PPARGC1A: variants seen among roughly 807,000 people sequenced by gnomAD.
PPARGC1A encodes PPARG coactivator 1 alpha.
PPARGC1A carries 25 observed loss-of-function variants against 88.7 expected under a neutral mutation model. The ratio of observed to expected loss-of-function variants is 0.28; its 90% CI spans 0.21 to 0.39. PPARGC1A has a LOEUF of 0.39. Ranked by LOEUF, PPARGC1A falls within the 10% of genes least tolerant of loss-of-function variation. The pLI is 1.00. For missense variants in PPARGC1A, 880 were observed against 968.7 expected, an observed-to-expected ratio of 0.91 and a Z score of 1.22; for synonymous variants, 363 against 355.6, an observed-to-expected ratio of 1.02 and a Z score of -0.24.
chr4:24,136,191 G>C, the PPARGC1A span, among the ~76,000 whole-genome samples: 3 of 152,184 alleles, frequency 2.0e-5, no homozygotes, highest in Admixed American at 2.0e-4. Flanking sequence ...TAATTGAACT[G>C]TTTTAAGATT....
chr4:24,184,608 C>G, the PPARGC1A span, among the ~76,000 whole-genome samples: 1 of 152,216 alleles, frequency 6.6e-6, no homozygotes, highest in Non-Finnish European at 1.5e-5. Flanking sequence ...TGTCCATCCT[C>G]TGGGCCCAGC....
At chr4:24,019,833 T>G in the PPARGC1A span, among the ~76,000 whole-genome samples, 3,075 of 152,282 alleles carry the variant, frequency 0.02, 97 homozygotes, top group African/African-American at 0.071. Flanking sequence ...ATCACCCACA[T>G]AGGACTGCAA....
chr4:23,839,809 G>A (rs76668634), intron 2 of PPARGC1A, among the ~76,000 whole-genome samples: 2 of 151,682 alleles, frequency 1.3e-5, no homozygotes, highest in East Asian at 1.9e-4. Flanking sequence ...GAAAAAAAAA[G>A]AAGTTTGTGC....
At chr4:24,252,838 A>G in the PPARGC1A span, among the ~76,000 whole-genome samples, 1 of 152,234 alleles carries the variant, frequency 6.6e-6, no homozygotes, top group Non-Finnish European at 1.5e-5. Flanking sequence ...ATTTCAGATT[A>G]TCAGAAATTT....
At chr4:23,971,491 C>T in the PPARGC1A span, among the ~76,000 whole-genome samples, 6 of 152,080 alleles carry the variant, frequency 3.9e-5, no homozygotes, top group South Asian at 4.2e-4. Context: ...CACAATAGGC[C>T]GTCTGCAGGC....
chr4:24,338,058 C>T, the PPARGC1A span, among the ~76,000 whole-genome samples: 2 of 152,134 alleles, frequency 1.3e-5, no homozygotes, highest in Non-Finnish European at 2.9e-5. Context: ...CCTAGCCTTG[C>T]CATTTGGCTA....
At chr4:24,009,150 A>AAAAAAAAAAAAAG in the PPARGC1A span, among the ~76,000 whole-genome samples, 344 of 79,806 alleles carry the variant, frequency 4.3e-3, 28 homozygotes, top group African/African-American at 0.019. Context: ...AAAAAAAAAA[A>AAAAAAAAAAAAAG]AGAGAGAGAA....
chr4:24,282,575 C>G, the PPARGC1A span, among the ~76,000 whole-genome samples: 9 of 152,296 alleles, frequency 5.9e-5, no homozygotes, highest in East Asian at 1.5e-3. Flanking sequence ...CTGTAAGGAA[C>G]GTCTCCATGG....
At chr4:24,436,447 C>T in the PPARGC1A span, among the ~76,000 whole-genome samples, 21 of 150,898 alleles carry the variant, frequency 1.4e-4, no homozygotes, top group Admixed American at 2.0e-4. Flanking sequence ...GAGCTGACAT[C>T]GATTGGCCAT....
the PPARGC1A span, among the ~76,000 whole-genome samples, chr4:24,392,042 G>A: frequency 6.6e-6 from 1 of 152,084 alleles, no homozygotes; most frequent in African/African-American, 2.4e-5. Context: ...AGAGCACCAG[G>A]GGAGCCTTAG....
the PPARGC1A span, among the ~76,000 whole-genome samples, chr4:23,976,601 G>A: frequency 6.6e-6 from 1 of 152,200 alleles, no homozygotes; most frequent in Non-Finnish European, 1.5e-5. Flanking sequence ...TGGAGATAGA[G>A]CCTTTAAGGA....
chr4:24,336,041 CT>C, the PPARGC1A span, among the ~76,000 whole-genome samples: 21 of 152,238 alleles, frequency 1.4e-4, no homozygotes, highest in South Asian at 1.0e-3. Flanking sequence ...TATTTCTTCA[CT>C]TTTTTTCCCC....
At chr4:23,882,497 T>C (rs1716139889) in intron 2 of PPARGC1A, among the ~76,000 whole-genome samples, 1 of 152,164 alleles carries the variant, frequency 6.6e-6, no homozygotes, top group Non-Finnish European at 1.5e-5. Flanking sequence ...TCCTTGTCTC[T>C]AGTCTCTACT....
chr4:24,143,119 A>G, the PPARGC1A span, among the ~76,000 whole-genome samples: 11 of 152,240 alleles, frequency 7.2e-5, no homozygotes, highest in Non-Finnish European at 1.5e-4. Context: ...AATACATACC[A>G]AAAATGTTAA....
At chr4:23,875,480 T>G (rs979693552) in intron 2 of PPARGC1A, among the ~76,000 whole-genome samples, 19 of 151,942 alleles carry the variant, frequency 1.3e-4, no homozygotes, top group African/African-American at 1.7e-4. Context: ...GAAGGTGTTG[T>G]CGGTCTGTCT....
At chr4:24,250,485 A>T in the PPARGC1A span, among the ~76,000 whole-genome samples, 1 of 152,206 alleles carries the variant, frequency 6.6e-6, no homozygotes. Context: ...TTAAAATGCC[A>T]TCTACAGTAT....
chr4:23,992,018 A>G, the PPARGC1A span, among the ~76,000 whole-genome samples: 1 of 152,074 alleles, frequency 6.6e-6, no homozygotes, highest in Non-Finnish European at 1.5e-5. Flanking sequence ...TGCATTTGGG[A>G]AGAAATTTAC....
the PPARGC1A span, among the ~76,000 whole-genome samples, chr4:24,415,742 C>T: frequency 2.6e-5 from 4 of 152,172 alleles, no homozygotes; most frequent in East Asian, 1.9e-4. Context: ...AGATGTTCGT[C>T]GTAATTTTGC....
upstream of PPARGC1A, among the ~76,000 whole-genome samples, chr4:23,899,840 G>A (rs1719077149): frequency 6.6e-6 from 1 of 152,132 alleles, no homozygotes; most frequent in Non-Finnish European, 1.5e-5. Context: ...TTTCTTTCTT[G>A]CTGTCTGTGC....
Sources: allele counts gnomAD v4.1 joint callset (sites outside exome capture counted in the v4.1 genomes callset), GRCh38; gene constraint gnomAD v4.1.1; transcripts MANE v1.5; gene names NCBI Gene and HGNC (gene_info 2026-07-23, HGNC 2026-07-21).